The following EPB41L3 variants were observed in gnomAD, a reference collection of about 807,000 sequenced individuals.
EPB41L3 encodes band 4.1-like protein 3.
In EPB41L3, 57 loss-of-function variants were observed where a neutral mutation model predicts 127.1. The ratio of observed to expected loss-of-function variants is 0.45; its 90% confidence interval spans 0.36 to 0.56. EPB41L3 has a LOEUF of 0.56. Ranked by LOEUF, EPB41L3 falls within the 20% of genes least tolerant of loss-of-function variation. The probability of loss-of-function intolerance (pLI) is 0.00; values close to 1 mark genes in which losing one functional copy is unlikely to be tolerated. For synonymous variants in EPB41L3, 572 were observed against 549.5 expected (o/e 1.04, Z -0.57); for missense variants, 1,273 against 1,372.2 (o/e 0.93, Z 1.14).
chr18:5,504,689 G>A (rs908920756), intron 1 of EPB41L3, among the ~76,000 whole-genome samples: 10 of 152,110 alleles, frequency 6.6e-5, no homozygotes, highest in African/African-American at 2.4e-4. Context: ...TGGCAGCTGT[G>A]GAATCGACAA....
At position 5,478,229 on chromosome 18, in the gene EPB41L3, A is replaced by T. The variant is rs200546848; in HGVS notation, c.381+12T>A. On this transcript the variant is annotated intron_variant, in intron 3 of 22. Transcript: ENST00000341928. ...ATATCTAGGACAGAAAAGTCTTAAG[A>T]CACACACTTACCTCTACATCACAGG... 1.7e-5 allele frequency: 28 copies of T among 1,613,032 alleles called. No individual in the cohort carries two copies. The African/African-American group carries it at 3.1e-4, about 18-fold the overall frequency.
At chr18:5,563,558 C>T (rs2094160638) in intron 3 of EPB41L3, among the ~76,000 whole-genome samples, 1 of 152,106 alleles carries the variant, frequency 6.6e-6, no homozygotes, top group African/African-American at 2.4e-5. Context: ...GAGGAAAAAA[C>T]TGACAGGACT....
At chr18:5,533,468 G>C (rs991411181) in intron 1 of EPB41L3, among the ~76,000 whole-genome samples, 2 of 152,206 alleles carry the variant, frequency 1.3e-5, no homozygotes, top group African/African-American at 2.4e-5. Context: ...CCATTGATAT[G>C]AATGTCACTA....
chr18:5,523,893 A>G (rs1456041865), intron 1 of EPB41L3, among the ~76,000 whole-genome samples: 3 of 152,220 alleles, frequency 2.0e-5, no homozygotes, highest in Admixed American at 2.0e-4. Flanking sequence ...TTCCAAAAGT[A>G]ATAGATCTCT....
At chr18:5,488,182 A>G (rs1160774581) in intron 2 of EPB41L3, among the ~76,000 whole-genome samples, 1 of 152,186 alleles carries the variant, frequency 6.6e-6, no homozygotes, top group Non-Finnish European at 1.5e-5. Flanking sequence ...GTAGATGTGT[A>G]TAGGGAGGGA....
rs1391983609 is a variant in EPB41L3 at position 5,489,166 on chromosome 18, T to C, written c.18A>G (p.Gly6=). 3.1e-6 allele frequency: 5 copies of C among 1,597,358 alleles called. No individual in the cohort carries two copies. Among genetic ancestry groups the C allele is most frequent in the Non-Finnish European group, 3.4e-6 (4 of 1,175,130 alleles). Reference sequence around the variant, plus strand: ...GGTCCGGCTTGGATTCCGAGTCTGATCCAGATTCGGTCGTCATGGTTGATT... The same window carrying C: ...GGTCCGGCTTGGATTCCGAGTCTGACCCAGATTCGGTCGTCATGGTTGATT... MTTES[G]SDSESKPDQE... Residue 6 remains glycine (G), a synonymous_variant, in exon 2 of 23, where the codon GGA becomes GGG. Transcript: ENST00000341928.
intron 3 of EPB41L3, among the ~76,000 whole-genome samples, chr18:5,452,672 A>T (rs1341689722): frequency 3.0e-5 from 4 of 132,782 alleles, no homozygotes; most frequent in African/African-American, 8.5e-5. Flanking sequence ...CTAAAATAAA[A>T]TGACACAAAT....
intron 5 of EPB41L3, among the ~76,000 whole-genome samples, chr18:5,438,826 C>T (rs1347608622): frequency 6.6e-6 from 1 of 152,184 alleles, no homozygotes; most frequent in Non-Finnish European, 1.5e-5. Context: ...CTCTCCAGCA[C>T]TGAAAAGGGT....
At chr18:5,617,053 T>C (rs1397093130) in intron 1 of EPB41L3, among the ~76,000 whole-genome samples, 1 of 152,214 alleles carries the variant, frequency 6.6e-6, no homozygotes, top group African/African-American at 2.4e-5. Flanking sequence ...TTTTTCAATA[T>C]TATTGTATCA....
At chr18:5,606,952 C>T (rs1488472686) in intron 3 of EPB41L3, among the ~76,000 whole-genome samples, 1 of 151,776 alleles carries the variant, frequency 6.6e-6, no homozygotes, top group Admixed American at 6.6e-5. Context: ...CTCTCTCCCT[C>T]AACCCCCTAC....
intron 1 of EPB41L3, among the ~76,000 whole-genome samples, chr18:5,625,424 G>C (rs1045720882): frequency 1.3e-5 from 2 of 152,106 alleles, no homozygotes; most frequent in East Asian, 3.9e-4. Flanking sequence ...GAAGAGAAAG[G>C]TGTAAAAAAA....
chr18:5,426,352 A>T (rs1031979789), intron 9 of EPB41L3, among the ~76,000 whole-genome samples: 6 of 152,108 alleles, frequency 3.9e-5, no homozygotes, highest in African/African-American at 1.4e-4. Context: ...TGCAAACTGA[A>T]AACCTTTGAT....
upstream of EPB41L3, among the ~76,000 whole-genome samples, chr18:5,548,842 G>A (rs1341154058): frequency 3.9e-5 from 6 of 152,180 alleles, no homozygotes; most frequent in Admixed American, 3.3e-4. Flanking sequence ...AAGAATGGAA[G>A]TTGTTAATCT....
intron 1 of EPB41L3, among the ~76,000 whole-genome samples, chr18:5,523,041 G>A (rs1293025683): frequency 6.6e-6 from 1 of 152,122 alleles, no homozygotes; most frequent in Non-Finnish European, 1.5e-5. Flanking sequence ...CAAGGACCTA[G>A]TATCAAACGC....
intron 3 of EPB41L3, among the ~76,000 whole-genome samples, chr18:5,597,941 GT>G (rs1208943167): frequency 1.3e-5 from 2 of 152,186 alleles, no homozygotes; most frequent in Non-Finnish European, 2.9e-5. Flanking sequence ...TCCACCACGT[GT>G]TTGAGTGCTC....
At position 5,434,210 on chromosome 18, in the gene EPB41L3, T is replaced by A. The variant is rs1304240177; in HGVS notation, c.606-89A>T. ...TTGGTAAAAATCGTGGGCAAATAATTTCTCCCTGTAGAACAGCCTCTCTAG... is the reference window on the plus strand; with the variant it reads ...TTGGTAAAAATCGTGGGCAAATAATATCTCCCTGTAGAACAGCCTCTCTAG... On this transcript the variant is annotated intron_variant, in intron 6 of 22. Transcript: ENST00000341928. 16 of 999,652 alleles carry A rather than the reference T, an allele frequency of 1.6e-5. No homozygotes were observed. In the East Asian group the frequency reaches 3.8e-4, roughly 23 times the overall value. The allele number at this position is 999,652 out of a possible 1,614,324, so 61.9% of individuals were successfully genotyped here.
At position 5,478,270 on chromosome 18, in the gene EPB41L3, C is replaced by T. The variant is rs1469911854; in HGVS notation, c.352G>A (p.Asp118Asn). The T allele has an allele frequency of 3.1e-6, 5 of 1,613,996 alleles. No homozygotes were observed. The highest frequency in any genetic ancestry group is 1.1e-5 in the South Asian group (1 of 91,074). ...ACATCACAGGTATATTCTGATCCATCGAGAAGTATCACTTTGCACTGCATG... is the reference window on the plus strand; with the variant it reads ...ACATCACAGGTATATTCTGATCCATTGAGAAGTATCACTTTGCACTGCATG... ...KSMQCKVILL[D>N]GSEYTCDVEK... The change falls in exon 3 of 23, where the codon GAT becomes AAT. Residue 118 changes from aspartate to asparagine, a missense_variant. Asp to Asn is a conservative substitution (Grantham distance 23). Coordinates refer to ENST00000341928, the MANE Select transcript of EPB41L3 (RefSeq NM_012307.5).
intron 3 of EPB41L3, among the ~76,000 whole-genome samples, chr18:5,549,467 T>A (rs368291013): frequency 6.6e-6 from 1 of 152,350 alleles, no homozygotes; most frequent in East Asian, 1.9e-4. Context: ...TTGTCTGATA[T>A]CCAAGGCTGA....
At chr18:5,582,019 T>C (rs909887484) in intron 3 of EPB41L3, among the ~76,000 whole-genome samples, 1 of 152,058 alleles carries the variant, frequency 6.6e-6, no homozygotes, top group African/African-American at 2.4e-5. Flanking sequence ...ACAAAAAAGA[T>C]TAAGATGTTG....
Sources: gnomAD v4.1 joint callset for allele counts (sites outside exome capture counted in the v4.1 genomes callset) on GRCh38, gnomAD v4.1.1 for gene constraint, MANE v1.5 for transcripts, NCBI Gene and HGNC (gene_info 2026-07-23, HGNC 2026-07-21) for gene names.